Variants in SHISA6 observed in about 807,000 individuals in gnomAD.
The protein encoded by SHISA6 is shisa family member 6.
Under a neutral mutation model 47.9 loss-of-function variants are expected in SHISA6, and 22 were observed. The observed-to-expected ratio is 0.46, with a 90% CI of 0.33 to 0.66. The LOEUF is 0.66. SHISA6 is among the 30% of genes least tolerant of loss of function. SHISA6 has a pLI of 0.02. For missense variants in SHISA6, 680 were observed against 764.6 expected, an observed-to-expected ratio of 0.89 and a Z score of 1.30; for synonymous variants, 388 against 337.8, an observed-to-expected ratio of 1.15 and a Z score of -1.63.
intron 3 of SHISA6, among the ~76,000 whole-genome samples, chr17:11,392,136 T>C (rs1040377154): frequency 1.3e-5 from 2 of 152,218 alleles, no homozygotes. Context: ...GATGTCAGAC[T>C]CTTGTTCTCT....
intron 1 of SHISA6, among the ~76,000 whole-genome samples, chr17:11,256,507 C>A (rs1400282828): frequency 6.6e-6 from 1 of 152,068 alleles, no homozygotes; most frequent in Non-Finnish European, 1.5e-5. Flanking sequence ...AAAAACAAAA[C>A]AAAACAACAA....
intron 2 of SHISA6, among the ~76,000 whole-genome samples, chr17:11,351,137 G>A (rs1041545761): frequency 6.6e-6 from 1 of 152,050 alleles, no homozygotes; most frequent in Admixed American, 6.6e-5. Context: ...ACTGGGGCCT[G>A]TTGGGGGGTG....
At chr17:11,350,186 T>TTTA (rs1555529942) in intron 2 of SHISA6, among the ~76,000 whole-genome samples, 10,665 of 114,282 alleles carry the variant, frequency 0.093, 482 homozygotes, top group South Asian at 0.11. Context: ...TTATTTATTT[T>TTTA]TTTTTTTTTT....
At chr17:11,437,779 C>T (rs1456527231) in intron 3 of SHISA6, among the ~76,000 whole-genome samples, 1 of 152,128 alleles carries the variant, frequency 6.6e-6, no homozygotes, top group Non-Finnish European at 1.5e-5. Context: ...TGTCCCAATG[C>T]GTAAAAGGTT....
chr17:11,292,867 C>T (rs967107617), intron 2 of SHISA6, among the ~76,000 whole-genome samples: 1 of 149,918 alleles, frequency 6.7e-6, no homozygotes, highest in African/African-American at 2.5e-5. Context: ...GCTTATTGCC[C>T]AGGCTGGAGT....
intron 2 of SHISA6, among the ~76,000 whole-genome samples, chr17:11,295,715 G>C (rs948413967): frequency 2.6e-5 from 4 of 152,104 alleles, no homozygotes; most frequent in Non-Finnish European, 4.4e-5. Context: ...TGTAATCCCA[G>C]CACTTTGGGA....
Position 11,559,733 on chromosome 17 carries a change from C to T in SHISA6, c.*1429C>T, listed in dbSNP as rs2072022607. ...ACTGGGGTACCTGGTAGACCATGGT[C>T]CTCAGCTCTGTTGGGGGACCGCCAC... is the stretch of plus-strand genomic sequence containing the variant. On this transcript the variant is annotated 3_prime_UTR_variant, in exon 6 of 6. Coordinates refer to ENST00000441885, the MANE Select transcript of SHISA6 (RefSeq NM_207386.4). The surrounding 1 kb of genome is among the most constrained non-coding windows in gnomAD (Gnocchi z 4.4). 1 of 152,404 alleles carries T rather than the reference C, an allele frequency of 6.6e-6. No individual in the cohort carries two copies. The highest frequency in any genetic ancestry group is 1.5e-5 in the Non-Finnish European group (1 of 68,218). 9.4% of individuals were successfully genotyped at this position (152,404 alleles called of 1,614,324 possible). A position where few individuals can be genotyped will look rare whatever the true frequency, so the allele number is the denominator to read the frequency against.
intron 3 of SHISA6, among the ~76,000 whole-genome samples, chr17:11,394,473 A>G (rs1913497245): frequency 6.6e-6 from 1 of 152,162 alleles, no homozygotes; most frequent in East Asian, 1.9e-4. Flanking sequence ...TGTACCTTTT[A>G]TGAACCTATT....
At chr17:11,448,258 T>C (rs926319249) in intron 3 of SHISA6, among the ~76,000 whole-genome samples, 11 of 152,070 alleles carry the variant, frequency 7.2e-5, no homozygotes, top group Non-Finnish European at 1.6e-4. Context: ...AGGCTGGGTG[T>C]GGTGGCTCAA....
intron 3 of SHISA6, among the ~76,000 whole-genome samples, chr17:11,420,775 C>G (rs370995800): frequency 3.3e-5 from 5 of 152,324 alleles, no homozygotes; most frequent in African/African-American, 1.2e-4. Context: ...GACATTGGCT[C>G]TAGATTCAAA....
intron 3 of SHISA6, among the ~76,000 whole-genome samples, chr17:11,386,672 G>C (rs1466556111): frequency 6.6e-6 from 1 of 152,196 alleles, no homozygotes; most frequent in Non-Finnish European, 1.5e-5. Context: ...AACATTCTTG[G>C]TAAGTGAAAG....
At chr17:11,431,310 C>T (rs1914765727) in intron 3 of SHISA6, among the ~76,000 whole-genome samples, 1 of 152,194 alleles carries the variant, frequency 6.6e-6, no homozygotes, top group Non-Finnish European at 1.5e-5. Flanking sequence ...ACACAGGAAA[C>T]AGCAGAGAGG....
At chr17:11,308,214 G>A (rs554197925) in intron 2 of SHISA6, among the ~76,000 whole-genome samples, 12 of 152,188 alleles carry the variant, frequency 7.9e-5, no homozygotes, top group Non-Finnish European at 1.6e-4. Context: ...TTTCCTTAGT[G>A]TTTTGGCTTT....
intron 2 of SHISA6, among the ~76,000 whole-genome samples, chr17:11,355,177 C>G (rs576450223): frequency 6.6e-6 from 1 of 152,230 alleles, no homozygotes. Context: ...AGTGAGTGGA[C>G]AGAGCCAATG....
chr17:11,433,154 C>T (rs1337090632), intron 3 of SHISA6, among the ~76,000 whole-genome samples: 2 of 152,142 alleles, frequency 1.3e-5, no homozygotes, highest in Non-Finnish European at 2.9e-5. Flanking sequence ...CATAGGTATA[C>T]ATGTGCCATG....
At chr17:11,523,080 A>G (rs1218319279) in intron 3 of SHISA6, among the ~76,000 whole-genome samples, 1 of 152,088 alleles carries the variant, frequency 6.6e-6, no homozygotes, top group African/African-American at 2.4e-5. Flanking sequence ...TTCATCCAGG[A>G]TACGGATGCT....
chr17:11,555,709 T>C (rs1015185932), intron 4 of SHISA6, 31 bp from the exon 5 acceptor site: 3 of 1,505,374 alleles, frequency 2.0e-6, no homozygotes, highest in Non-Finnish European at 2.7e-6. Context: ...TGGTCCTCAT[T>C]AATACAAAAC....
intron 2 of SHISA6, among the ~76,000 whole-genome samples, chr17:11,272,684 G>A (rs1387519383): frequency 6.6e-6 from 1 of 152,162 alleles, no homozygotes; most frequent in Non-Finnish European, 1.5e-5. Context: ...CTGGCTCAGA[G>A]CCTGGCATAC....
chr17:11,245,055 A>G (rs577865251), intron 1 of SHISA6, among the ~76,000 whole-genome samples: 1 of 152,314 alleles, frequency 6.6e-6, no homozygotes, highest in Admixed American at 6.5e-5. Context: ...TCAGGGAGGA[A>G]GATATTTCAT....
Sources: allele counts gnomAD v4.1 joint callset (sites outside exome capture counted in the v4.1 genomes callset), GRCh38; gene constraint gnomAD v4.1.1; non-coding constraint Gnocchi (gnomAD v3.1); transcripts MANE v1.5; gene names NCBI Gene and HGNC (gene_info 2026-07-23, HGNC 2026-07-21).